The following RSU1 variants were observed in gnomAD, a reference collection of about 807,000 sequenced individuals.
The protein encoded by RSU1 is Ras suppressor protein 1, also known as rsu-1.
In RSU1, 26 loss-of-function variants were observed where a neutral mutation model predicts 31.1. That is an observed-to-expected ratio of 0.84 (90% CI 0.61 to 1.16). RSU1 has a LOEUF of 1.16. RSU1 is among the 50% of genes most tolerant of loss of function. RSU1 has a pLI of 0.00. For synonymous variants in RSU1, 164 were observed against 136.3 expected (o/e 1.20, Z -1.41); for missense variants, 320 against 339.1 (o/e 0.94, Z 0.44).
chr10:16,642,085 G>C (rs1834452346), intron 8 of RSU1, among the ~76,000 whole-genome samples: 1 of 152,162 alleles, frequency 6.6e-6, no homozygotes, highest in Admixed American at 6.5e-5. Flanking sequence ...TGGAAACAGA[G>C]ATGGAATTGA....
At chr10:16,631,415 A>T (rs1834245971) in intron 8 of RSU1, among the ~76,000 whole-genome samples, 1 of 152,172 alleles carries the variant, frequency 6.6e-6, no homozygotes, top group Admixed American at 6.5e-5. Flanking sequence ...CACCATCAGA[A>T]CCTCGGCTGT....
chr10:16,813,408 T>C (rs1256286008), intron 2 of RSU1, among the ~76,000 whole-genome samples: 1 of 152,242 alleles, frequency 6.6e-6, no homozygotes, highest in Non-Finnish European at 1.5e-5. Flanking sequence ...AAGTTCTTGG[T>C]TCAGGCTACT....
chr10:16,805,814 T>C (rs536031838), intron 2 of RSU1, among the ~76,000 whole-genome samples: 1 of 152,098 alleles, frequency 6.6e-6, no homozygotes, highest in South Asian at 2.1e-4. Context: ...CTGTGAGATA[T>C]TCCAATTCTA....
chr10:16,720,404 C>T (rs1279049645), intron 7 of RSU1, among the ~76,000 whole-genome samples: 2 of 152,152 alleles, frequency 1.3e-5, no homozygotes, highest in Non-Finnish European at 2.9e-5. Flanking sequence ...CAGAAATGCA[C>T]ATAGTCACTA....
intron 7 of RSU1, among the ~76,000 whole-genome samples, chr10:16,746,761 G>C (rs1836863895): frequency 6.7e-6 from 1 of 149,794 alleles, no homozygotes; most frequent in Non-Finnish European, 1.5e-5. Flanking sequence ...TACCAACGCA[G>C]GATTTTTATC....
intron 8 of RSU1, among the ~76,000 whole-genome samples, chr10:16,620,611 C>T (rs1298964733): frequency 2.6e-5 from 4 of 151,308 alleles, no homozygotes; most frequent in South Asian, 2.1e-4. Context: ...TTTGGGAGGC[C>T]GAGGCGGGCG....
intron 3 of RSU1, among the ~76,000 whole-genome samples, chr10:16,770,457 G>A (rs1046725772): frequency 2.0e-5 from 3 of 152,116 alleles, no homozygotes; most frequent in East Asian, 1.9e-4. Flanking sequence ...CTTTCCCTCC[G>A]CAGCACAGGC....
At chr10:16,771,963 G>T (rs776795138) in intron 3 of RSU1, among the ~76,000 whole-genome samples, 1 of 152,282 alleles carries the variant, frequency 6.6e-6, no homozygotes, top group Non-Finnish European at 1.5e-5. Context: ...AATAACAATG[G>T]TAATGTACTT....
At chr10:16,652,358 G>A (rs1415408365) in intron 8 of RSU1, among the ~76,000 whole-genome samples, 1 of 131,166 alleles carries the variant, frequency 7.6e-6, no homozygotes, top group East Asian at 2.4e-4. Context: ...CAGGAGGGGC[G>A]CTGATAACAA....
At position 16,727,105 on chromosome 10, in the gene RSU1, G is replaced by C. The variant is rs552349256; in HGVS notation, c.598+25434C>G. 7.4e-5 allele frequency: 34 copies of C among 456,618 alleles called. 1 individual carries two copies. Among genetic ancestry groups the C allele is most frequent in the Admixed American group, 6.3e-4 (27 of 42,578 alleles). The allele number at this position is 456,618 out of a possible 1,614,324, so 28.3% of individuals were successfully genotyped here. ...TCACAACACAGGCTGCCAGTTGGTG[G>C]TTTTTGCCAAGATGCCTACCACAAG... On this transcript the variant is annotated intron_variant, in intron 7 of 8. Coordinates refer to ENST00000345264, the MANE Select transcript of RSU1 (RefSeq NM_012425.4).
intron 4 of RSU1, among the ~76,000 whole-genome samples, chr10:16,756,284 A>C (rs1837084390): frequency 6.6e-6 from 1 of 152,224 alleles, no homozygotes; most frequent in Non-Finnish European, 1.5e-5. Flanking sequence ...AATACGCTTA[A>C]CACCACTGAA....
rs183375693 is a variant in RSU1, at chr10:16,770,229, G to C, written c.161-5719C>G. 1.3e-5 allele frequency among the ~76,000 whole-genome samples: 2 copies of C among 152,230 alleles called. 1 individual carries two copies. Among genetic ancestry groups the C allele is most frequent in the East Asian group, 3.9e-4 (2 of 5,162 alleles). ...AAGCCGTAAGGAGCGACAGACTCTGGGAGCAGCAGGCACCACGCAAAAAAC... is the reference window on the plus strand; with the variant it reads ...AAGCCGTAAGGAGCGACAGACTCTGCGAGCAGCAGGCACCACGCAAAAAAC... On this transcript the variant is annotated intron_variant, in intron 3 of 8. Coordinates refer to ENST00000345264, the MANE Select transcript of RSU1 (RefSeq NM_012425.4).
chr10:16,680,198 A>G (rs1835304449), intron 8 of RSU1, among the ~76,000 whole-genome samples: 1 of 152,074 alleles, frequency 6.6e-6, no homozygotes. Context: ...CGGATTTTTA[A>G]GAAATCTGGT....
intron 2 of RSU1, among the ~76,000 whole-genome samples, chr10:16,801,184 C>T (rs534778400): frequency 1.8e-4 from 27 of 149,782 alleles, no homozygotes; most frequent in African/African-American, 5.1e-4. Flanking sequence ...TTAAAAGTAA[C>T]GGGATGGAGA....
chr10:16,759,165 C>T (rs1837156019), intron 4 of RSU1, among the ~76,000 whole-genome samples: 2 of 152,084 alleles, frequency 1.3e-5, no homozygotes, highest in African/African-American at 4.8e-5. Context: ...ATTTTTCTCA[C>T]CTCCACAGTG....
At chr10:16,789,679 A>G (rs549937971) in intron 2 of RSU1, among the ~76,000 whole-genome samples, 1 of 152,218 alleles carries the variant, frequency 6.6e-6, no homozygotes, top group South Asian at 2.1e-4. Flanking sequence ...TGTACCACTG[A>G]CCCGCTACTG....
intron 2 of RSU1, among the ~76,000 whole-genome samples, chr10:16,807,660 G>A (rs11254206): frequency 0.063 from 9,627 of 152,272 alleles, 397 homozygotes; most frequent in East Asian, 0.14. Context: ...CAACCATCCT[G>A]TAAACCCAAG....
At chr10:16,809,666 G>T (rs187473512) in intron 2 of RSU1, among the ~76,000 whole-genome samples, 20 of 152,214 alleles carry the variant, frequency 1.3e-4, no homozygotes, top group African/African-American at 4.8e-4. Context: ...TAAAAAAAAA[G>T]TCATCTCTAG....
intron 8 of RSU1, among the ~76,000 whole-genome samples, chr10:16,603,346 T>C (rs1197073003): frequency 1.3e-5 from 2 of 152,208 alleles, no homozygotes; most frequent in Non-Finnish European, 2.9e-5. Context: ...ATGAGGATTC[T>C]GGCAGAGCAA....
Sources: allele counts gnomAD v4.1 joint callset (sites outside exome capture counted in the v4.1 genomes callset), GRCh38; gene constraint gnomAD v4.1.1; transcripts MANE v1.5; gene names NCBI Gene and HGNC (gene_info 2026-07-23, HGNC 2026-07-21).